SKAP1: variants seen among roughly 807,000 people sequenced by gnomAD.
The protein encoded by SKAP1 is src kinase associated phosphoprotein 1, also known as src kinase-associated phosphoprotein 1.
SKAP1 carries 44 observed loss-of-function variants against 58.5 expected under a neutral mutation model. The ratio of observed to expected loss-of-function variants is 0.75; its 90% CI spans 0.59 to 0.97. The LOEUF (loss-of-function observed/expected upper bound fraction) is 0.97, where lower values mean the gene tolerates loss of function less well. Among genes scored for constraint, SKAP1 ranks in the 50% least tolerant of loss-of-function variants. The pLI is 0.00. For synonymous variants in SKAP1, 127 were observed against 149.7 expected, an observed-to-expected ratio of 0.85 and a Z score of 1.11; for missense variants, 390 against 435.2, an observed-to-expected ratio of 0.90 and a Z score of 0.92.
At chr17:48,341,303 C>A (rs1455174623) in intron 4 of SKAP1, among the ~76,000 whole-genome samples, 1 of 152,132 alleles carries the variant, frequency 6.6e-6, no homozygotes, top group Non-Finnish European at 1.5e-5. Context: ...GTAAATTAAA[C>A]CTTCATTTTA....
At chr17:48,143,264 G>A (rs1472169515) in intron 11 of SKAP1, among the ~76,000 whole-genome samples, 2 of 142,716 alleles carry the variant, frequency 1.4e-5, no homozygotes, top group Non-Finnish European at 3.0e-5. Flanking sequence ...GCATGATCTC[G>A]GCTCACTGCA....
intron 4 of SKAP1, among the ~76,000 whole-genome samples, chr17:48,283,905 C>T (rs540091202): frequency 6.6e-6 from 1 of 152,306 alleles, no homozygotes; most frequent in African/African-American, 2.4e-5. Flanking sequence ...CAGACTCTCA[C>T]CTGTCATTCT....
At chr17:48,192,553 G>A (rs1325022218) in intron 4 of SKAP1, among the ~76,000 whole-genome samples, 1 of 152,046 alleles carries the variant, frequency 6.6e-6, no homozygotes, top group Non-Finnish European at 1.5e-5. Flanking sequence ...CTGCTGGCAG[G>A]AGCATAAAAA....
At chr17:48,362,715 A>C (rs1280762016) in intron 3 of SKAP1, among the ~76,000 whole-genome samples, 1 of 152,246 alleles carries the variant, frequency 6.6e-6, no homozygotes, top group East Asian at 1.9e-4. Flanking sequence ...GCTTTAAAAT[A>C]AAGCTTTATA....
chr17:48,346,796 A>T (rs1330854997), intron 3 of SKAP1, among the ~76,000 whole-genome samples: 1 of 152,182 alleles, frequency 6.6e-6, no homozygotes, highest in Non-Finnish European at 1.5e-5. Flanking sequence ...TAAGAGAAGT[A>T]TTATAAAAAT....
intron 4 of SKAP1, among the ~76,000 whole-genome samples, chr17:48,301,703 C>T (rs2066059585): frequency 6.6e-6 from 1 of 152,154 alleles, no homozygotes; most frequent in South Asian, 2.1e-4. Flanking sequence ...TCTTGAACTC[C>T]TGACCTCAGC....
At chr17:48,430,744 G>A (rs1204523229), upstream of SKAP1, among the ~76,000 whole-genome samples, 1 of 152,214 alleles carries the variant, frequency 6.6e-6, no homozygotes, top group African/African-American at 2.4e-5. Flanking sequence ...TCGCGGCAGC[G>A]TGGCAGCAAG....
intron 11 of SKAP1, among the ~76,000 whole-genome samples, chr17:48,149,643 G>A (rs775984887): frequency 3.1e-3 from 471 of 152,186 alleles, no homozygotes; most frequent in Non-Finnish European, 5.4e-3. Context: ...CCTACCCTCG[G>A]TGGGGTCATG....
chr17:48,332,088 G>A (rs2066514075), intron 4 of SKAP1, among the ~76,000 whole-genome samples: 1 of 151,812 alleles, frequency 6.6e-6, no homozygotes, highest in Admixed American at 6.6e-5. Context: ...CATGATTTTA[G>A]TTTGTTTTTT....
chr17:48,444,403 A>C, the SKAP1 span, among the ~76,000 whole-genome samples: 1 of 152,334 alleles, frequency 6.6e-6, no homozygotes. Context: ...AAAACCCACA[A>C]ACACCCAGTA....
chr17:48,148,246 C>A (rs2063856005), intron 11 of SKAP1, among the ~76,000 whole-genome samples: 2 of 151,930 alleles, frequency 1.3e-5, no homozygotes, highest in African/African-American at 4.8e-5. Context: ...TGTGACAGAA[C>A]AATCAAGCTG....
chr17:48,183,877 G>T (rs1316643), intron 7 of SKAP1, among the ~76,000 whole-genome samples: 2 of 151,980 alleles, frequency 1.3e-5, no homozygotes, highest in South Asian at 4.2e-4. Context: ...AAGACTAAAA[G>T]TGTTACTTAA....
chr17:48,220,714 G>A (rs1467532879), intron 4 of SKAP1, among the ~76,000 whole-genome samples: 1 of 151,830 alleles, frequency 6.6e-6, no homozygotes, highest in Non-Finnish European at 1.5e-5. Context: ...AAAGCCGGGC[G>A]TGGTTGCACA....
chr17:48,153,471 A>G (rs2063928961), intron 11 of SKAP1, among the ~76,000 whole-genome samples: 1 of 152,076 alleles, frequency 6.6e-6, no homozygotes, highest in Non-Finnish European at 1.5e-5. Context: ...CCATCCTCCT[A>G]ACTCCGTTGC....
At chr17:48,141,842 G>C (rs6504067) in intron 11 of SKAP1, among the ~76,000 whole-genome samples, 24,453 of 152,072 alleles carry the variant, frequency 0.16, 2,667 homozygotes, top group African/African-American at 0.3. Context: ...CCTTTCCTCT[G>C]CCTGTTTAGC....
chr17:48,269,870 GATCACCTGAGGTCGGGAGT>G (rs1299026997), intron 4 of SKAP1, among the ~76,000 whole-genome samples: 3 of 152,048 alleles, frequency 2.0e-5, no homozygotes, highest in Non-Finnish European at 4.4e-5. Context: ...GAGGCGGGAG[GATCACCTGAGGTCGGGAGT>G]ATCACCTGAG....
At chr17:48,201,430 G>T (rs1383981669) in intron 4 of SKAP1, among the ~76,000 whole-genome samples, 2 of 151,706 alleles carry the variant, frequency 1.3e-5, no homozygotes, top group African/African-American at 4.8e-5. Flanking sequence ...CACCCAGGCT[G>T]AAGTGCAGTG....
intron 4 of SKAP1, among the ~76,000 whole-genome samples, chr17:48,343,077 T>A (rs1457591747): frequency 6.6e-6 from 1 of 152,218 alleles, no homozygotes; most frequent in African/African-American, 2.4e-5. Context: ...TATATTTTTT[T>A]ATTTGTCTAC....
At chr17:48,346,670 A>G (rs1451102358) in intron 3 of SKAP1, among the ~76,000 whole-genome samples, 2 of 152,144 alleles carry the variant, frequency 1.3e-5, no homozygotes, top group East Asian at 3.8e-4. Flanking sequence ...TATGTCTCCA[A>G]TAATTACAAC....
Sources: allele counts gnomAD v4.1 joint callset (sites outside exome capture counted in the v4.1 genomes callset), GRCh38; gene constraint gnomAD v4.1.1; transcripts MANE v1.5; gene names NCBI Gene and HGNC (gene_info 2026-07-23, HGNC 2026-07-21).